Variants in RYR1 observed in about 807,000 individuals in gnomAD.
RYR1 encodes the protein central core disease of muscle.
A neutral mutation model predicts 583.5 loss-of-function variants in RYR1; 342 were observed. That is an observed-to-expected ratio of 0.59 (90% CI 0.54 to 0.64). The LOEUF is 0.64. RYR1 is among the 30% of genes least tolerant of loss of function. The pLI is 0.00. For synonymous variants in RYR1, 2,791 were observed against 2,822.5 expected (o/e 0.99, Z 0.35); for missense variants, 6,032 against 6,917.2 (o/e 0.87, Z 4.54).
In RYR1 at chr19:38,494,305, G is replaced by A. The variant is rs375765274; in HGVS notation, c.6275-47G>A. ...GTTCTGGTCCAAGGCCCCATGTGCC[G>A]ACCTGCCCTGCATGGTGCTCCAAGC... On this transcript the variant is annotated intron_variant, in intron 38 of 105. Coordinates refer to ENST00000359596, the MANE Select transcript of RYR1 (RefSeq NM_000540.3). 4.7e-5 allele frequency: 75 copies of A among 1,609,856 alleles called. No homozygotes were observed. The Admixed American group carries it at 9.2e-4, about 20-fold the overall frequency.
rs750795766 is a variant in RYR1, at chr19:38,489,221, G to A, written c.5592G>A (p.Lys1864=). 17 of 1,613,984 alleles carry A rather than the reference G, an allele frequency of 1.1e-5. No homozygotes were observed. Among genetic ancestry groups the A allele is most frequent in the Middle Eastern group, 1.6e-4 (1 of 6,084 alleles). The change falls in exon 35 of 106, where the codon AAG becomes AAA. Residue 1864 remains lysine (K), a synonymous_variant. Transcript: ENST00000359596. The stretch of plus-strand genomic sequence containing the variant: ...ATGAGGATGTGAAACAGATCTTGAA[G>A]ATGATTGAGCCTGAGGTCTTCACTG... ...FGDEDVKQIL[K]MIEPEVFTEE... is the part of the protein sequence containing the mutation.
At chr19:38,514,643 T>C (rs1209875449) in intron 63 of RYR1, among the ~76,000 whole-genome samples, 1 of 152,118 alleles carries the variant, frequency 6.6e-6, no homozygotes, top group African/African-American at 2.4e-5. Context: ...ATATTGCAGT[T>C]CTGTTTGCAT....
chr19:38,579,700 A>G (rs984785401), intron 99 of RYR1, among the ~76,000 whole-genome samples: 1 of 151,928 alleles, frequency 6.6e-6, no homozygotes. Flanking sequence ...CAGCCCCCCA[A>G]AGCACTGGGG....
chr19:38,493,116 G>A (rs551980202), intron 38 of RYR1, among the ~76,000 whole-genome samples: 2 of 152,166 alleles, frequency 1.3e-5, no homozygotes, highest in South Asian at 4.2e-4. Context: ...TGCCTCCAGA[G>A]ATGGGGGCTG....
In RYR1 at chr19:38,565,588, C is replaced by A. The variant is rs193922857; in HGVS notation, c.13254C>A (p.Gly4418=). The part of the protein sequence containing the change: ...ASEGAGDAAE[G]AGDEEEAVHE... ...AGGGCGCTGGAGACGCCGCGGAGGG[C>A]GCTGGAGACGAGGAGGAGGCGGTGC... Residue 4418 remains glycine, a synonymous_variant, in exon 91 of 106, where the codon GGC becomes GGA. Coordinates refer to ENST00000359596, the MANE Select transcript of RYR1 (RefSeq NM_000540.3). The surrounding 1 kb of genome is among the most constrained non-coding windows in gnomAD (Gnocchi z 4.7). The A allele has an allele frequency of 8.4e-5, 123 of 1,463,440 alleles. No homozygotes were observed. The highest frequency in any genetic ancestry group is 4.3e-4 in the African/African-American group (29 of 68,130). The allele number at this position is 1,463,440 out of a possible 1,614,324, so 90.7% of individuals were successfully genotyped here.
At chr19:38,524,033 AC>A (rs1971350334) in intron 70 of RYR1, 104 bp downstream of exon 70, 2 of 982,414 alleles carry the variant, frequency 2.0e-6, no homozygotes, top group South Asian at 4.1e-5. Flanking sequence ...TCTGTTCCCC[AC>A]CCCCGTCCTC....
rs148562958 is a variant in RYR1, at chr19:38,503,748, G to T, written c.7927-472G>T. On this transcript the variant is annotated intron_variant, in intron 49 of 105. Transcript: ENST00000359596. The stretch of plus-strand genomic sequence containing the variant: ...AGATCGTGCCACTGCACTCCAGCCT[G>T]GTCAAGAGAGTGAGACTCCACCTCA... 4.3e-3 allele frequency among the ~76,000 whole-genome samples: 658 copies of T among 151,584 alleles called. 3 individuals carry two copies. The highest frequency in any genetic ancestry group is 0.015 in the African/African-American group (619 of 41,168).
intron 27 of RYR1, among the ~76,000 whole-genome samples, chr19:38,470,816 T>C (rs1345226421): frequency 6.6e-6 from 1 of 152,188 alleles, no homozygotes; most frequent in African/African-American, 2.4e-5. Flanking sequence ...AGTTGAGGTC[T>C]GAGTTTTGGA....
chr19:38,459,265 G>T lies in RYR1; in HGVS notation c.2287G>T (p.Val763Leu), dbSNP rs369947687. Reference protein sequence around the residue: ...SISFRINGCPVQGVFESFNLD... With the variant: ...SISFRINGCPLQGVFESFNLD... ...CTCCTTCCGCATCAACGGCTGCCCC[G>T]TGCAGGGTGTCTTTGAGTCCTTCAA... is the stretch of plus-strand genomic sequence containing the variant. Residue 763 changes from valine to leucine, a missense_variant, in exon 19 of 106, where the codon GTG becomes TTG. Transcript: ENST00000359596. The T allele has an allele frequency of 3.7e-6, 6 of 1,614,092 alleles. No individual in the cohort carries two copies. The highest frequency in any genetic ancestry group is 3.3e-5 in the South Asian group (3 of 91,072).
At chr19:38,487,478 C>T (rs564534987) in intron 34 of RYR1, among the ~76,000 whole-genome samples, 1 of 151,682 alleles carries the variant, frequency 6.6e-6, no homozygotes, top group Admixed American at 6.6e-5. Flanking sequence ...CTCAGCCTCC[C>T]AAGTAGATGG....
Position 38,502,484 on chromosome 19 carries a change from GATGTCCTC to G in RYR1, c.7615-21_7615-14del. The G allele has an allele frequency of 6.3e-7, 1 of 1,596,872 alleles. No homozygotes were observed. Among genetic ancestry groups the G allele is most frequent in the Non-Finnish European group, 8.5e-7 (1 of 1,174,648 alleles). ...AGCCCCAGGGGTGTGCAGCGGGCCT[GATGTCCTC>G]ACCCTGCGCCCTAGGCCACTTTCAG... On this transcript the variant is annotated splice_polypyrimidine_tract_variant and intron_variant, in intron 47 of 105. Transcript: ENST00000359596.
In RYR1 at chr19:38,529,191, C is replaced by T; in HGVS notation, c.11141+134C>T. 3.4e-6 allele frequency: 3 copies of T among 886,790 alleles called. No homozygotes were observed. The South Asian group carries it at 4.2e-5, about 13-fold the overall frequency. 54.9% of individuals were successfully genotyped at this position (886,790 alleles called of 1,614,324 possible). On this transcript the variant is annotated intron_variant, in intron 76 of 105. Coordinates refer to ENST00000359596, the MANE Select transcript of RYR1 (RefSeq NM_000540.3). ...CCAAGACAGACGGATCTTTAAATATCACTTTGCTGGTCAGGCACGGTGGCT... is the reference window on the plus strand; with the variant it reads ...CCAAGACAGACGGATCTTTAAATATTACTTTGCTGGTCAGGCACGGTGGCT...
chr19:38,554,218 G>A lies in RYR1; in HGVS notation c.12282+5798G>A, dbSNP rs547444677. Reference sequence around the variant, plus strand: ...TACTCTTGCTACACTTTGAGAGGCTGAGGCATGTGGATCACCTGAGGTCAG... The same window carrying A: ...TACTCTTGCTACACTTTGAGAGGCTAAGGCATGTGGATCACCTGAGGTCAG... On this transcript the variant is annotated intron_variant, in intron 89 of 105. Transcript: ENST00000359596. Among the ~76,000 whole-genome samples the A allele has an allele frequency of 8.6e-4, 130 of 150,318 alleles. 2 individuals carry two copies. Among genetic ancestry groups the A allele is most frequent in the African/African-American group, 3.1e-3 (125 of 40,800 alleles).
intron 84 of RYR1, among the ~76,000 whole-genome samples, chr19:38,539,557 T>C (rs1489333225): frequency 2.0e-5 from 3 of 152,200 alleles, no homozygotes; most frequent in African/African-American, 7.2e-5. Context: ...ATTTTCATTC[T>C]TTAATTTTAA....
intron 29 of RYR1, among the ~76,000 whole-genome samples, chr19:38,477,447 ATTAT>A (rs751713703): frequency 3.9e-5 from 6 of 152,250 alleles, no homozygotes; most frequent in East Asian, 1.9e-4. Flanking sequence ...CTGGCCTGCA[ATTAT>A]TTATTTGTCA....
intron 35 of RYR1, 67 bp downstream of exon 35, chr19:38,489,510 T>G: frequency 6.3e-7 from 1 of 1,585,202 alleles, no homozygotes; most frequent in Admixed American, 1.7e-5. Flanking sequence ...GTAGGTGGGA[T>G]GTGAGTCTGG....
At chr19:38,549,064 C>T (rs1460075071) in intron 89 of RYR1, among the ~76,000 whole-genome samples, 1 of 152,124 alleles carries the variant, frequency 6.6e-6, no homozygotes, top group African/African-American at 2.4e-5. Context: ...GCATCAATGA[C>T]CAAGATAGAC....
chr19:38,452,781 G>T, intron 12 of RYR1, 38 bp from the exon 13 acceptor site: 1 of 1,538,362 alleles, frequency 6.5e-7, no homozygotes, highest in Non-Finnish European at 8.8e-7. Flanking sequence ...GGCAGTTAGC[G>T]CTCCCAGCCG....
intron 89 of RYR1, among the ~76,000 whole-genome samples, chr19:38,559,228 C>CTTTTT (rs34239565): frequency 4.9e-5 from 5 of 101,306 alleles, no homozygotes; most frequent in South Asian, 3.6e-4. Flanking sequence ...AGGTGGGCTT[C>CTTTTT]TTTTTTTTTT....
Sources: allele counts gnomAD v4.1 joint callset (sites outside exome capture counted in the v4.1 genomes callset), GRCh38; gene constraint gnomAD v4.1.1; non-coding constraint Gnocchi (gnomAD v3.1); transcripts MANE v1.5; gene names NCBI Gene and HGNC (gene_info 2026-07-23, HGNC 2026-07-21).